The following LYPLAL1 variants were observed in gnomAD, a reference collection of about 807,000 sequenced individuals.
LYPLAL1 encodes lysophospholipase-like protein 1.
A neutral mutation model predicts 19.7 loss-of-function variants in LYPLAL1; 23 were observed. That is an observed-to-expected ratio of 1.17 (90% CI 0.84 to 1.65). LYPLAL1 has a LOEUF of 1.65. LYPLAL1 is among the 40% of genes most tolerant of loss of function. The probability of loss-of-function intolerance (pLI) is 0.00; values close to 1 mark genes in which losing one functional copy is unlikely to be tolerated. For missense variants in LYPLAL1, 355 were observed against 279.4 expected (o/e 1.27, Z -1.93); for synonymous variants, 119 against 96.3 (o/e 1.24, Z -1.38).
chr1:219,285,253 T>C, the LYPLAL1 span, among the ~76,000 whole-genome samples: 1 of 152,204 alleles, frequency 6.6e-6, no homozygotes, highest in Admixed American at 6.5e-5. Context: ...AAGTAAAGAT[T>C]AGCTGAAAAA....
the LYPLAL1 span, among the ~76,000 whole-genome samples, chr1:219,414,520 T>C: frequency 6.6e-6 from 1 of 152,204 alleles, no homozygotes; most frequent in South Asian, 2.1e-4. Flanking sequence ...GGGACAATGG[T>C]ATTCATTTTA....
the LYPLAL1 span, among the ~76,000 whole-genome samples, chr1:219,334,316 C>G: frequency 6.6e-6 from 1 of 152,004 alleles, no homozygotes; most frequent in Non-Finnish European, 1.5e-5. Context: ...AGTCTCATCT[C>G]CCACTGCAAT....
chr1:219,309,027 G>A, the LYPLAL1 span, among the ~76,000 whole-genome samples: 2 of 152,264 alleles, frequency 1.3e-5, no homozygotes, highest in African/African-American at 4.8e-5. Flanking sequence ...AAAGCCACAG[G>A]GGCGGAATTG....
At chr1:219,343,881 C>T in the LYPLAL1 span, among the ~76,000 whole-genome samples, 1 of 151,814 alleles carries the variant, frequency 6.6e-6, no homozygotes, top group African/African-American at 2.4e-5. Context: ...TTTTTTCTTC[C>T]ACTTATGGTA....
chr1:219,227,571 T>C, the LYPLAL1 span, among the ~76,000 whole-genome samples: 3 of 152,216 alleles, frequency 2.0e-5, no homozygotes, highest in Non-Finnish European at 4.4e-5. Context: ...AAGGAGTTTG[T>C]AGTTTAAATG....
intron 3 of LYPLAL1, chr1:219,198,845 A>T (rs958999073): frequency 5.3e-5 from 8 of 152,082 alleles, no homozygotes; most frequent in Admixed American, 5.2e-4. Flanking sequence ...AGCTACGTAC[A>T]TTTTTCCTGG....
At chr1:219,396,763 G>C in the LYPLAL1 span, among the ~76,000 whole-genome samples, 1 of 152,092 alleles carries the variant, frequency 6.6e-6, no homozygotes, top group African/African-American at 2.4e-5. Context: ...AGTGATTTTT[G>C]TGCACTGATT....
the LYPLAL1 span, among the ~76,000 whole-genome samples, chr1:219,416,624 A>G: frequency 6.6e-6 from 1 of 152,206 alleles, no homozygotes; most frequent in Non-Finnish European, 1.5e-5. Flanking sequence ...GAGGTTGATC[A>G]ATGCAAATTG....
intron 1 of LYPLAL1, among the ~76,000 whole-genome samples, chr1:219,176,511 G>A (rs540862578): frequency 6.6e-6 from 1 of 152,122 alleles, no homozygotes; most frequent in South Asian, 2.1e-4. Context: ...GTCCTCTTAC[G>A]TGAACTGTCA....
chr1:219,428,897 G>A, the LYPLAL1 span, among the ~76,000 whole-genome samples: 1 of 152,078 alleles, frequency 6.6e-6, no homozygotes, highest in Non-Finnish European at 1.5e-5. Context: ...ATCCTTAGCT[G>A]GGTACAGACT....
the LYPLAL1 span, among the ~76,000 whole-genome samples, chr1:219,444,665 C>T: frequency 1.2e-4 from 19 of 152,290 alleles, no homozygotes; most frequent in South Asian, 2.1e-4. Context: ...TGCTTACGGA[C>T]GCCATAAATA....
intron 3 of LYPLAL1, among the ~76,000 whole-genome samples, chr1:219,208,129 A>C (rs549803146): frequency 8.5e-4 from 130 of 152,214 alleles, no homozygotes; most frequent in Admixed American, 2.2e-3. Flanking sequence ...GAGATGAAGG[A>C]AGTGAGTGTT....
the LYPLAL1 span, among the ~76,000 whole-genome samples, chr1:219,283,158 G>A: frequency 3.3e-5 from 5 of 152,102 alleles, no homozygotes; most frequent in Non-Finnish European, 7.4e-5. Context: ...ATGGATCTGG[G>A]CTTATAATCT....
At chr1:219,178,998 T>C (rs1340268166) in intron 1 of LYPLAL1, 149 bp from the exon 2 acceptor site, 2 of 502,506 alleles carry the variant, frequency 4.0e-6, no homozygotes, top group South Asian at 3.9e-5. Context: ...TTCATATTAG[T>C]AAGTCAGTTT....
the LYPLAL1 span, among the ~76,000 whole-genome samples, chr1:219,400,809 T>C: frequency 6.6e-6 from 1 of 152,190 alleles, no homozygotes; most frequent in Non-Finnish European, 1.5e-5. Flanking sequence ...CTGTCTATCA[T>C]CTATCTATCT....
chr1:219,264,072 C>T, the LYPLAL1 span, among the ~76,000 whole-genome samples: 2 of 152,164 alleles, frequency 1.3e-5, no homozygotes, highest in Non-Finnish European at 2.9e-5. Context: ...TCTCCTTAAT[C>T]CTGATAAACT....
chr1:219,327,450 G>T, the LYPLAL1 span, among the ~76,000 whole-genome samples: 3 of 152,214 alleles, frequency 2.0e-5, no homozygotes, highest in African/African-American at 7.2e-5. Context: ...AGCACATGAA[G>T]ATGGGGGAGC....
chr1:219,444,901 A>G, the LYPLAL1 span, among the ~76,000 whole-genome samples: 14 of 152,290 alleles, frequency 9.2e-5, no homozygotes, highest in South Asian at 2.1e-3. Context: ...CTGGTTTTCA[A>G]TGATGGGCAA....
chr1:219,228,455 A>G, the LYPLAL1 span, among the ~76,000 whole-genome samples: 1 of 152,140 alleles, frequency 6.6e-6, no homozygotes, highest in Non-Finnish European at 1.5e-5. Context: ...AATCTCCAAT[A>G]TAGAAAACGT....
Sources: allele counts gnomAD v4.1 joint callset (sites outside exome capture counted in the v4.1 genomes callset), GRCh38; gene constraint gnomAD v4.1.1; transcripts MANE v1.5; gene names NCBI Gene and HGNC (gene_info 2026-07-23, HGNC 2026-07-21).